SMYD3: variants seen among roughly 807,000 people sequenced by gnomAD.
SMYD3 encodes SET and MYND domain containing 3.
Under a neutral mutation model 57.7 loss-of-function variants are expected in SMYD3, and 36 were observed. The ratio of observed to expected loss-of-function variants is 0.62; its 90% CI spans 0.48 to 0.82. SMYD3 has a LOEUF of 0.82. Among genes scored for constraint, SMYD3 ranks in the 40% least tolerant of loss-of-function variants. SMYD3 has a pLI of 0.00. For synonymous variants in SMYD3, 211 were observed against 195.0 expected (o/e 1.08, Z -0.68); for missense variants, 515 against 538.8 (o/e 0.96, Z 0.44).
intron 7 of SMYD3, among the ~76,000 whole-genome samples, chr1:245,919,086 A>G (rs544307698): frequency 6.6e-6 from 1 of 152,202 alleles, no homozygotes; most frequent in African/African-American, 2.4e-5. Context: ...ACTGCCTGGA[A>G]CCATTACCTG....
chr1:246,461,773 T>C (rs532680362), intron 1 of SMYD3, among the ~76,000 whole-genome samples: 1 of 151,760 alleles, frequency 6.6e-6, no homozygotes. Flanking sequence ...GAAAATGTAT[T>C]CGCAAACTTT....
intron 5 of SMYD3, among the ~76,000 whole-genome samples, chr1:246,242,341 G>A (rs1354980825): frequency 1.3e-5 from 2 of 152,156 alleles, no homozygotes; most frequent in African/African-American, 4.8e-5. Flanking sequence ...CCTTCATTTC[G>A]TTATGTACCC....
In SMYD3 at chr1:246,206,062, C is replaced by A. The variant is rs897570787; in HGVS notation, c.531+121139G>T. Among the ~76,000 whole-genome samples, 5 of 152,138 alleles carry A rather than the reference C, an allele frequency of 3.3e-5. No individual in the cohort carries two copies. In the East Asian group the frequency reaches 9.7e-4, roughly 29 times the overall value. ...CTGATGCTGCATGTGTGGCAAGGAT[C>A]GGGCTTTCTATAGAAAATATTGAAT... On this transcript the variant is annotated intron_variant, in intron 5 of 11. Transcript: ENST00000490107.
At chr1:246,397,840 A>C (rs2066697899) in intron 1 of SMYD3, among the ~76,000 whole-genome samples, 1 of 151,734 alleles carries the variant, frequency 6.6e-6, no homozygotes, top group Non-Finnish European at 1.5e-5. Flanking sequence ...GGATGAAATC[A>C]TAGGGGTGTA....
chr1:246,016,940 G>T (rs890696851), intron 5 of SMYD3, among the ~76,000 whole-genome samples: 2 of 151,148 alleles, frequency 1.3e-5, no homozygotes, highest in Non-Finnish European at 2.9e-5. Flanking sequence ...CTTTTTCTAT[G>T]ATTTTTTTTT....
At chr1:246,424,853 T>C (rs2067193201) in intron 1 of SMYD3, among the ~76,000 whole-genome samples, 1 of 152,224 alleles carries the variant, frequency 6.6e-6, no homozygotes, top group Non-Finnish European at 1.5e-5. Flanking sequence ...ATCTTATATA[T>C]GCTACAGCTT....
At chr1:246,405,900 ACT>A (rs2066856141) in intron 1 of SMYD3, among the ~76,000 whole-genome samples, 3 of 131,248 alleles carry the variant, frequency 2.3e-5, no homozygotes, top group African/African-American at 5.7e-5. Flanking sequence ...ACAGAGCAAG[ACT>A]CTGTCTCAAA....
chr1:246,087,960 A>C (rs373626162), intron 5 of SMYD3, among the ~76,000 whole-genome samples: 82 of 152,228 alleles, frequency 5.4e-4, no homozygotes, highest in African/African-American at 1.9e-3. Flanking sequence ...ATGACTTTCT[A>C]ACTAAGCTTT....
chr1:246,007,245 T>C (rs569660271), intron 5 of SMYD3, among the ~76,000 whole-genome samples: 2 of 152,272 alleles, frequency 1.3e-5, no homozygotes, highest in Admixed American at 6.5e-5. Flanking sequence ...GCATGTGCGT[T>C]TGTCTTTGGC....
intron 5 of SMYD3, among the ~76,000 whole-genome samples, chr1:246,058,386 G>GT (rs1274032734): frequency 6.6e-6 from 1 of 152,170 alleles, no homozygotes; most frequent in Non-Finnish European, 1.5e-5. Context: ...CAATTATGCT[G>GT]TGAACCTAAA....
intron 1 of SMYD3, among the ~76,000 whole-genome samples, chr1:246,485,642 A>T (rs1047070395): frequency 2.0e-5 from 3 of 151,806 alleles, no homozygotes; most frequent in Non-Finnish European, 2.9e-5. Context: ...AATTTTTTTT[A>T]AATAGCTGGG....
chr1:246,291,639 A>G (rs780746084), intron 5 of SMYD3, among the ~76,000 whole-genome samples: 1 of 152,246 alleles, frequency 6.6e-6, no homozygotes, highest in Non-Finnish European at 1.5e-5. Context: ...ACTAATAACC[A>G]TATGTCTGGA....
At chr1:245,826,192 A>T (rs1190339966) in intron 10 of SMYD3, among the ~76,000 whole-genome samples, 1 of 151,696 alleles carries the variant, frequency 6.6e-6, no homozygotes, top group African/African-American at 2.4e-5. Flanking sequence ...ATACCCATTG[A>T]ACAATTCCCC....
intron 5 of SMYD3, among the ~76,000 whole-genome samples, chr1:246,081,420 T>G (rs2060636096): frequency 6.6e-6 from 1 of 151,998 alleles, no homozygotes; most frequent in Non-Finnish European, 1.5e-5. Context: ...TGAGACAGAG[T>G]CTCACTCTGT....
intron 5 of SMYD3, among the ~76,000 whole-genome samples, chr1:246,299,326 T>C (rs1011456020): frequency 1.3e-5 from 2 of 152,122 alleles, no homozygotes; most frequent in Admixed American, 1.3e-4. Context: ...ATGGCTATTA[T>C]TAAAAACTCA....
At chr1:246,164,181 G>C (rs948498194) in intron 5 of SMYD3, among the ~76,000 whole-genome samples, 7 of 152,214 alleles carry the variant, frequency 4.6e-5, no homozygotes, top group Non-Finnish European at 1.0e-4. Flanking sequence ...GGCTTCTTGG[G>C]AGGCCAAGGC....
chr1:246,030,520 A>G (rs748087797), intron 5 of SMYD3, among the ~76,000 whole-genome samples: 2 of 152,164 alleles, frequency 1.3e-5, no homozygotes, highest in African/African-American at 2.4e-5. Context: ...AATATGCTCA[A>G]CTGTATTATA....
chr1:246,347,044 A>G (rs921928503), intron 2 of SMYD3, among the ~76,000 whole-genome samples: 6 of 152,160 alleles, frequency 3.9e-5, no homozygotes, highest in Non-Finnish European at 8.8e-5. Context: ...TGCCTTTGAT[A>G]TCTTATTGGC....
intron 1 of SMYD3, among the ~76,000 whole-genome samples, chr1:246,481,799 C>T (rs891746096): frequency 4.9e-5 from 7 of 142,456 alleles, no homozygotes; most frequent in African/African-American, 2.0e-4. Context: ...AGAGAGAGAT[C>T]GATCGATCGA....
Sources: allele counts gnomAD v4.1 joint callset (sites outside exome capture counted in the v4.1 genomes callset), GRCh38; gene constraint gnomAD v4.1.1; transcripts MANE v1.5; gene names NCBI Gene and HGNC (gene_info 2026-07-23, HGNC 2026-07-21).